The following RAPGEF5 variants were observed in gnomAD, a reference collection of about 807,000 sequenced individuals.
RAPGEF5 encodes Rap guanine nucleotide exchange factor 5.
In RAPGEF5, 65 loss-of-function variants were observed where a neutral mutation model predicts 125.2. The ratio of observed to expected loss-of-function variants is 0.52; its 90% CI spans 0.43 to 0.64. The LOEUF (loss-of-function observed/expected upper bound fraction) is 0.64. RAPGEF5 is among the 30% of genes least tolerant of loss of function. The pLI is 0.00. For synonymous variants in RAPGEF5, 391 were observed against 385.9 expected (o/e 1.01, Z -0.16); for missense variants, 958 against 1,048.1 (o/e 0.91, Z 1.19).
intron 7 of RAPGEF5, among the ~76,000 whole-genome samples, chr7:22,244,210 A>G (rs553921023): frequency 7.2e-5 from 11 of 151,954 alleles, no homozygotes; most frequent in African/African-American, 2.7e-4. Context: ...GTGTATATAC[A>G]TATATATATA....
chr7:22,130,953 A>G (rs555374697), intron 24 of RAPGEF5, 84 bp downstream of exon 24: 3 of 1,500,250 alleles, frequency 2.0e-6, no homozygotes, highest in South Asian at 1.3e-5. Flanking sequence ...GAAAAGTACT[A>G]AAACTATTTA....
intron 5 of RAPGEF5, among the ~76,000 whole-genome samples, chr7:22,299,371 T>C (rs1400568206): frequency 6.6e-6 from 1 of 152,176 alleles, no homozygotes; most frequent in Non-Finnish European, 1.5e-5. Flanking sequence ...ATAGTAGATT[T>C]TACAAATATC....
intron 7 of RAPGEF5, among the ~76,000 whole-genome samples, chr7:22,258,702 A>C (rs1041033890): frequency 3.9e-5 from 6 of 151,956 alleles, no homozygotes; most frequent in African/African-American, 1.4e-4. Context: ...AATAGACCCA[A>C]ATATAGTCAA....
intron 3 of RAPGEF5, among the ~76,000 whole-genome samples, chr7:22,314,362 C>T (rs376261415): frequency 5.9e-5 from 9 of 152,064 alleles, no homozygotes; most frequent in African/African-American, 1.9e-4. Flanking sequence ...TTAAGATTTG[C>T]GCATTTTACT....
chr7:22,241,150 G>C (rs1426303203), intron 7 of RAPGEF5, among the ~76,000 whole-genome samples: 2 of 152,188 alleles, frequency 1.3e-5, no homozygotes, highest in Non-Finnish European at 2.9e-5. Flanking sequence ...CAGGTCTAAA[G>C]GACATTCTTG....
At chr7:22,319,879 T>C (rs1264126435) in intron 1 of RAPGEF5, among the ~76,000 whole-genome samples, 1 of 150,682 alleles carries the variant, frequency 6.6e-6, no homozygotes, top group East Asian at 1.9e-4. Context: ...GGCAGGGGCA[T>C]TTTCACAAAA....
At chr7:22,190,756 C>T (rs1784968800) in intron 11 of RAPGEF5, among the ~76,000 whole-genome samples, 1 of 152,144 alleles carries the variant, frequency 6.6e-6, no homozygotes, top group African/African-American at 2.4e-5. Context: ...TGAGAAATTA[C>T]TCACATCTCT....
chr7:22,322,344 G>A (rs559971040), intron 1 of RAPGEF5, among the ~76,000 whole-genome samples: 5 of 151,296 alleles, frequency 3.3e-5, no homozygotes, highest in South Asian at 4.2e-4. Flanking sequence ...ACAGGATTTC[G>A]CCCTATTGCC....
intron 17 of RAPGEF5, among the ~76,000 whole-genome samples, chr7:22,153,313 T>C (rs1050865141): frequency 1.3e-5 from 2 of 152,198 alleles, no homozygotes; most frequent in African/African-American, 2.4e-5. Flanking sequence ...ACTTGAAAAT[T>C]AAACATAACA....
intron 11 of RAPGEF5, among the ~76,000 whole-genome samples, chr7:22,183,207 T>G (rs1479278366): frequency 7.5e-6 from 1 of 134,228 alleles, no homozygotes; most frequent in Non-Finnish European, 1.5e-5. Flanking sequence ...AGGGGGAGGT[T>G]GCAGTGAGTC....
intron 11 of RAPGEF5, chr7:22,192,944 T>G: frequency 5.0e-6 from 1 of 198,554 alleles, no homozygotes; most frequent in Non-Finnish European, 1.0e-5. Context: ...AGTAGTTGCA[T>G]TAATTGTTGA....
At chr7:22,185,966 T>C (rs1784813575) in intron 11 of RAPGEF5, among the ~76,000 whole-genome samples, 2 of 152,106 alleles carry the variant, frequency 1.3e-5, no homozygotes, top group Non-Finnish European at 2.9e-5. Context: ...GCAATTCTCA[T>C]GCCTCAGTGC....
intron 1 of RAPGEF5, among the ~76,000 whole-genome samples, chr7:22,324,021 T>C (rs896886969): frequency 1.2e-4 from 18 of 152,260 alleles, no homozygotes; most frequent in African/African-American, 3.1e-4. Context: ...GATATTTGCA[T>C]AAGTATCAAA....
intron 6 of RAPGEF5, among the ~76,000 whole-genome samples, chr7:22,284,761 C>T (rs1189407362): frequency 6.6e-6 from 1 of 152,122 alleles, no homozygotes; most frequent in Admixed American, 6.5e-5. Context: ...AAGGGATTAC[C>T]TACACTCCAT....
At chr7:22,161,208 C>CA (rs1432713789) in intron 13 of RAPGEF5, among the ~76,000 whole-genome samples, 2 of 151,864 alleles carry the variant, frequency 1.3e-5, no homozygotes, top group African/African-American at 4.8e-5. Flanking sequence ...GACTCCGTCT[C>CA]AAAAAATAAA....
intron 9 of RAPGEF5, 85 bp downstream of exon 9, chr7:22,219,781 A>T (rs1785734457): frequency 6.8e-7 from 1 of 1,464,302 alleles, no homozygotes; most frequent in Non-Finnish European, 9.1e-7. Flanking sequence ...ATTTAAAATA[A>T]AATAGTCTTT....
intron 6 of RAPGEF5, among the ~76,000 whole-genome samples, chr7:22,288,946 T>G (rs545324975): frequency 1.3e-5 from 2 of 152,216 alleles, no homozygotes; most frequent in Non-Finnish European, 2.9e-5. Context: ...AGGACCTTCT[T>G]CTCTAACTTG....
intron 7 of RAPGEF5, among the ~76,000 whole-genome samples, chr7:22,234,614 A>G (rs1214458137): frequency 6.6e-6 from 1 of 152,214 alleles, no homozygotes; most frequent in Non-Finnish European, 1.5e-5. Flanking sequence ...AGGAGAACTA[A>G]GCATGTATGT....
chr7:22,180,912 A>G (rs1341856051), intron 11 of RAPGEF5, among the ~76,000 whole-genome samples: 2 of 152,218 alleles, frequency 1.3e-5, no homozygotes, highest in Non-Finnish European at 2.9e-5. Flanking sequence ...ACTATCAAAC[A>G]GTGCAAATTG....
Sources: allele counts gnomAD v4.1 joint callset (sites outside exome capture counted in the v4.1 genomes callset), GRCh38; gene constraint gnomAD v4.1.1; transcripts MANE v1.5; gene names NCBI Gene and HGNC (gene_info 2026-07-23, HGNC 2026-07-21).